PRR16: variants seen among roughly 807,000 people sequenced by gnomAD.
The protein encoded by PRR16 is protein Largen.
A neutral mutation model predicts 18.2 loss-of-function variants in PRR16; 6 were observed. The ratio of observed to expected loss-of-function variants is 0.33; its 90% CI spans 0.18 to 0.65. PRR16 has a LOEUF of 0.65. PRR16 is among the 30% of genes least tolerant of loss of function. The pLI, the probability that PRR16 is intolerant of heterozygous loss-of-function variation, is 0.74. For missense variants in PRR16, 412 were observed against 376.6 expected (o/e 1.09, Z -0.78); for synonymous variants, 151 against 147.8 (o/e 1.02, Z -0.16).
chr5:120,541,216 G>A (rs1021108523), intron 1 of PRR16, among the ~76,000 whole-genome samples: 3 of 152,146 alleles, frequency 2.0e-5, no homozygotes, highest in East Asian at 3.9e-4. Context: ...GCGCAATCTC[G>A]GCTCACTGCA....
chr5:120,557,297 T>G lies in PRR16; in HGVS notation c.159+92652T>G, dbSNP rs117871528. ...TGTAAAATTGAAATTCTAGATGTAATTTCCAGTTTTTTGCTTGTTTGATAT... is the reference window on the plus strand; with the variant it reads ...TGTAAAATTGAAATTCTAGATGTAAGTTCCAGTTTTTTGCTTGTTTGATAT... On this transcript the variant is annotated intron_variant, in intron 1 of 1. Coordinates refer to ENST00000407149, the MANE Select transcript of PRR16 (RefSeq NM_001300783.2). Among the ~76,000 whole-genome samples, 80 of 152,046 alleles carry G rather than the reference T, an allele frequency of 5.3e-4. 2 individuals carry two copies. The East Asian group carries it at 0.015, about 28-fold the overall frequency.
intron 1 of PRR16, among the ~76,000 whole-genome samples, chr5:120,564,787 C>G (rs928583084): frequency 1.3e-5 from 2 of 152,028 alleles, no homozygotes; most frequent in African/African-American, 4.8e-5. Context: ...GAGATCAAGA[C>G]CATCCTGGCT....
chr5:120,597,389 A>G (rs1753848954), intron 1 of PRR16, among the ~76,000 whole-genome samples: 1 of 151,686 alleles, frequency 6.6e-6, no homozygotes, highest in African/African-American at 2.4e-5. Context: ...TTTTTCTAAA[A>G]TTTTATGTAT....
chr5:120,774,294 T>C, the PRR16 span, among the ~76,000 whole-genome samples: 1 of 152,170 alleles, frequency 6.6e-6, no homozygotes, highest in Non-Finnish European at 1.5e-5. Flanking sequence ...GATTGTGTTG[T>C]TCCCCCAAAA....
In PRR16 at chr5:120,680,023, T is replaced by G. The variant is rs886184997; in HGVS notation, c.160-5931T>G. ...CTCTTGTTGGGGAGAAATGGGTAAC[T>G]ATGTGAGATGATGGATATGCTCATT... On this transcript the variant is annotated intron_variant, in intron 1 of 1. Coordinates refer to ENST00000407149, the MANE Select transcript of PRR16 (RefSeq NM_001300783.2). Among the ~76,000 whole-genome samples the G allele has an allele frequency of 1.3e-5, 2 of 152,150 alleles. 1 individual carries two copies. The highest frequency in any genetic ancestry group is 2.9e-5 in the Non-Finnish European group (2 of 67,978).
intron 1 of PRR16, among the ~76,000 whole-genome samples, chr5:120,577,797 G>A (rs1265911786): frequency 6.6e-6 from 1 of 152,076 alleles, no homozygotes; most frequent in South Asian, 2.1e-4. Flanking sequence ...GCTTTCTTTC[G>A]ATTATTCATT....
the PRR16 span, among the ~76,000 whole-genome samples, chr5:120,713,721 T>C: frequency 2.1e-4 from 32 of 152,300 alleles, no homozygotes; most frequent in African/African-American, 7.2e-4. Flanking sequence ...TCTGTTTGTT[T>C]CATAGTACAT....
chr5:120,601,810 T>C (rs1753991898), intron 1 of PRR16, among the ~76,000 whole-genome samples: 1 of 152,132 alleles, frequency 6.6e-6, no homozygotes, highest in African/African-American at 2.4e-5. Context: ...GCACCATTTG[T>C]TGAATAGGGA....
At chr5:120,483,327 G>GA (rs532882485) in intron 1 of PRR16, among the ~76,000 whole-genome samples, 3 of 151,958 alleles carry the variant, frequency 2.0e-5, no homozygotes, top group Non-Finnish European at 2.9e-5. Context: ...AATCTATGAT[G>GA]AAAAAAAATC....
the PRR16 span, among the ~76,000 whole-genome samples, chr5:120,735,236 C>G: frequency 6.6e-6 from 1 of 152,114 alleles, no homozygotes; most frequent in Non-Finnish European, 1.5e-5. Flanking sequence ...TATGTATATA[C>G]CAGAGTTTGC....
intron 1 of PRR16, among the ~76,000 whole-genome samples, chr5:120,654,342 A>G (rs1180816656): frequency 6.6e-6 from 1 of 151,736 alleles, no homozygotes; most frequent in East Asian, 1.9e-4. Flanking sequence ...TTTTGTTTCT[A>G]CCCCCATGTA....
At chr5:120,567,447 G>A (rs545824425) in intron 1 of PRR16, among the ~76,000 whole-genome samples, 1 of 152,288 alleles carries the variant, frequency 6.6e-6, no homozygotes, top group East Asian at 1.9e-4. Context: ...AGTACACAGA[G>A]GGTGGTAGGA....
chr5:120,633,671 A>G (rs1193802617), intron 1 of PRR16, among the ~76,000 whole-genome samples: 2 of 152,272 alleles, frequency 1.3e-5, no homozygotes, highest in East Asian at 1.9e-4. Context: ...ACAGGAAAAT[A>G]TCACAATTCA....
At chr5:120,656,626 G>C (rs1343951442) in intron 1 of PRR16, among the ~76,000 whole-genome samples, 4 of 151,906 alleles carry the variant, frequency 2.6e-5, no homozygotes, top group African/African-American at 9.7e-5. Flanking sequence ...ACATATTTAT[G>C]TACACCTTGC....
At chr5:120,478,482 G>T (rs188811074) in intron 1 of PRR16, among the ~76,000 whole-genome samples, 1 of 152,198 alleles carries the variant, frequency 6.6e-6, no homozygotes, top group Admixed American at 6.5e-5. Flanking sequence ...TATCCTGAAT[G>T]CTTATTGTGT....
intron 1 of PRR16, among the ~76,000 whole-genome samples, chr5:120,542,486 T>C (rs2112685263): frequency 6.6e-6 from 1 of 152,300 alleles, no homozygotes; most frequent in Middle Eastern, 3.4e-3. Flanking sequence ...TAAATTAATA[T>C]TAACAAAACT....
chr5:120,714,907 A>C, the PRR16 span, among the ~76,000 whole-genome samples: 1 of 152,086 alleles, frequency 6.6e-6, no homozygotes, highest in African/African-American at 2.4e-5. Flanking sequence ...CAAACACTAC[A>C]TGTTCTTACT....
chr5:120,718,932 C>G, the PRR16 span, among the ~76,000 whole-genome samples: 3 of 151,984 alleles, frequency 2.0e-5, no homozygotes, highest in Non-Finnish European at 4.4e-5. Context: ...TACTGGGGCT[C>G]TCACTGAAGA....
At position 120,536,680 on chromosome 5, in the gene PRR16, G is replaced by T. The variant is rs114792007; in HGVS notation, c.159+72035G>T. Among the ~76,000 whole-genome samples the T allele has an allele frequency of 7.5e-3, 1,144 of 152,288 alleles. 18 individuals are homozygous for T. Among genetic ancestry groups the T allele is most frequent in the African/African-American group, 0.026 (1,094 of 41,562 alleles). On this transcript the variant is annotated intron_variant, in intron 1 of 1. Coordinates refer to ENST00000407149, the MANE Select transcript of PRR16 (RefSeq NM_001300783.2). The stretch of plus-strand genomic sequence containing the variant: ...ACCTCTGTCCTCATTGGGCACTGAT[G>T]AATTAAGTCAGAATACTAGGATGAC...
Sources: gnomAD v4.1 joint callset for allele counts (sites outside exome capture counted in the v4.1 genomes callset) on GRCh38, gnomAD v4.1.1 for gene constraint, MANE v1.5 for transcripts, NCBI Gene and HGNC (gene_info 2026-07-23, HGNC 2026-07-21) for gene names.